The following SEC14L5 variants were observed in gnomAD, a reference collection of about 807,000 sequenced individuals.
SEC14L5 encodes the protein SEC14-like protein 5.
Under a neutral mutation model 84.6 loss-of-function variants are expected in SEC14L5, and 96 were observed. That is an observed-to-expected ratio of 1.13 (90% confidence interval 0.96 to 1.34). The LOEUF (loss-of-function observed/expected upper bound fraction) is 1.34, where lower values mean the gene tolerates loss of function less well. SEC14L5 is among the 40% of genes most tolerant of loss of function. The pLI, the probability that SEC14L5 is intolerant of heterozygous loss-of-function variation, is 0.00. For missense variants in SEC14L5, 1,224 were observed against 942.5 expected (o/e 1.30, Z -3.91); for synonymous variants, 546 against 383.4 (o/e 1.42, Z -4.95).
intron 2 of SEC14L5, among the ~76,000 whole-genome samples, chr16:4,983,493 T>G (rs1955448689): frequency 6.7e-6 from 1 of 149,958 alleles, no homozygotes; most frequent in South Asian, 2.1e-4. Context: ...ATTTACATTG[T>G]GTATAGAAAG....
Position 5,015,282 on chromosome 16 carries a change from C to G in SEC14L5, c.*312C>G, listed in dbSNP as rs1328274492. 3.0e-6 allele frequency: 1 copy of G among 333,242 alleles called. No individual in the cohort carries two copies. The highest frequency in any genetic ancestry group is 5.4e-5 in the East Asian group (1 of 18,662). The allele number at this position is 333,242 out of a possible 1,614,324, so 20.6% of individuals were successfully genotyped here. On this transcript the variant is annotated 3_prime_UTR_variant, in exon 16 of 16. Coordinates refer to ENST00000251170, the MANE Select transcript of SEC14L5 (RefSeq NM_014692.2). ...GCTTAGCGACGTCAGCCAGGCCCAT[C>G]TCCTCTCTGTCCACCTCTTGCTCTG...
chr16:4,967,885 G>A (rs2142477300), intron 2 of SEC14L5, among the ~76,000 whole-genome samples: 1 of 150,960 alleles, frequency 6.6e-6, no homozygotes, highest in East Asian at 2.0e-4. Context: ...GTGATTACAG[G>A]CGTGACCACA....
chr16:4,992,142 A>G, intron 6 of SEC14L5, 112 bp downstream of exon 6: 1 of 731,668 alleles, frequency 1.4e-6, no homozygotes, highest in Non-Finnish European at 2.1e-6. Context: ...CCCCCTGGGA[A>G]TGGGTCTGGG....
chr16:5,006,646 T>C (rs368171451), intron 12 of SEC14L5, among the ~76,000 whole-genome samples: 1 of 152,302 alleles, frequency 6.6e-6, no homozygotes, highest in African/African-American at 2.4e-5. Context: ...TACCAGACAG[T>C]GAGCTTGCGT....
chr16:5,006,142 AG>A, intron 12 of SEC14L5, 94 bp downstream of exon 12: 2 of 1,353,062 alleles, frequency 1.5e-6, no homozygotes, highest in Non-Finnish European at 2.1e-6. Context: ...TGGGAGGTGG[AG>A]GGGGGCTGGG....
intron 2 of SEC14L5, among the ~76,000 whole-genome samples, chr16:4,986,389 C>T (rs1241252925): frequency 1.3e-5 from 2 of 152,218 alleles, no homozygotes; most frequent in Non-Finnish European, 2.9e-5. Context: ...ATCCACCTGC[C>T]TTGGCCTCCC....
chr16:4,996,527 T>C, intron 7 of SEC14L5, 67 bp downstream of exon 7: 1 of 807,514 alleles, frequency 1.2e-6, no homozygotes, highest in Non-Finnish European at 2.1e-6. Context: ...CCTCCGTGCA[T>C]GGGAAGGAAA....
At chr16:5,007,930 C>T (rs1299223317) in intron 13 of SEC14L5, among the ~76,000 whole-genome samples, 6 of 101,182 alleles carry the variant, frequency 5.9e-5, no homozygotes, top group African/African-American at 2.2e-4. Flanking sequence ...TTTTTTGAGA[C>T]CGAGTCTCAC....
intron 6 of SEC14L5, among the ~76,000 whole-genome samples, chr16:4,995,981 A>G (rs1955604394): frequency 6.6e-6 from 1 of 152,092 alleles, no homozygotes; most frequent in Non-Finnish European, 1.5e-5. Context: ...AGGGGTGTGG[A>G]GAGAGCTCAG....
intron 9 of SEC14L5, 24 bp from the exon 10 acceptor site, chr16:5,000,831 A>G: frequency 6.3e-7 from 1 of 1,592,232 alleles, no homozygotes; most frequent in South Asian, 1.1e-5. Context: ...GCGGACGTTG[A>G]GCAGCACTGT....
intron 9 of SEC14L5, 45 bp downstream of exon 9, chr16:5,000,788 C>T: frequency 1.9e-6 from 3 of 1,559,314 alleles, no homozygotes; most frequent in Non-Finnish European, 2.6e-6. Flanking sequence ...TGGGGCCGGG[C>T]CTGGGAAGGA....
intron 2 of SEC14L5, among the ~76,000 whole-genome samples, chr16:4,981,162 G>A (rs945282786): frequency 2.0e-5 from 3 of 151,146 alleles, no homozygotes; most frequent in South Asian, 2.1e-4. Flanking sequence ...TGTCGCCCAC[G>A]CTGGAGTGCA....
At position 5,007,501 on chromosome 16, in the gene SEC14L5, C is replaced by T. The variant is rs1955745066; in HGVS notation, c.1572+15C>T. On this transcript the variant is annotated intron_variant, in intron 13 of 15. Coordinates refer to ENST00000251170, the MANE Select transcript of SEC14L5 (RefSeq NM_014692.2). ...CCCCCCACGAGGTGCCAGGGCCTGG[C>T]CGGGGAGGGCCCGCTGAGCTGGAGT... 3.7e-6 allele frequency: 6 copies of T among 1,610,972 alleles called. No individual in the cohort carries two copies. Among genetic ancestry groups the T allele is most frequent in the Non-Finnish European group, 5.1e-6 (6 of 1,178,872 alleles).
At chr16:4,964,115 G>A (rs945353301) in intron 2 of SEC14L5, among the ~76,000 whole-genome samples, 27 of 152,322 alleles carry the variant, frequency 1.8e-4, no homozygotes, top group Admixed American at 1.4e-3. Context: ...GAGAGGGTCC[G>A]TCAGTCCTTT....
At chr16:4,989,478 G>A (rs1415020484) in intron 4 of SEC14L5, among the ~76,000 whole-genome samples, 1 of 152,032 alleles carries the variant, frequency 6.6e-6, no homozygotes, top group Non-Finnish European at 1.5e-5. Context: ...TCCCGTGTAG[G>A]TGGGATTACA....
chr16:4,962,556 C>T (rs1253974805), intron 2 of SEC14L5, among the ~76,000 whole-genome samples: 2 of 152,026 alleles, frequency 1.3e-5, no homozygotes, highest in African/African-American at 2.4e-5. Context: ...GGTATGGTGG[C>T]AAGCACCTGT....
In SEC14L5 at chr16:5,014,861, G is replaced by A. The variant is rs1955853631; in HGVS notation, c.1982G>A (p.Gly661Asp). 1.9e-6 allele frequency: 3 copies of A among 1,613,172 alleles called. No homozygotes were observed. Among genetic ancestry groups the A allele is most frequent in the Non-Finnish European group, 1.7e-6 (2 of 1,179,376 alleles). ...TGTGCCACGCCCTTCCTCCCCAGGG[G>A]CTCCATGTCCAGCCTGGAATCCTGC... Reference protein sequence around the residue: ...CEVLASEDFRGSMSSLESCTS... With the variant: ...CEVLASEDFRDSMSSLESCTS... Residue 661 changes from glycine (G) to aspartate (D), a missense_variant and splice_region_variant, in exon 16 of 16, where the codon GGC becomes GAC. Coordinates refer to ENST00000251170, the MANE Select transcript of SEC14L5 (RefSeq NM_014692.2).
At chr16:5,000,330 T>A (rs2972279) in intron 8 of SEC14L5, among the ~76,000 whole-genome samples, 20,044 of 151,984 alleles carry the variant, frequency 0.13, 1,746 homozygotes, top group Middle Eastern at 0.21. Context: ...AGAGAAGAGG[T>A]CTCATTATGT....
chr16:5,007,231 C>T, intron 12 of SEC14L5, 121 bp from the exon 13 acceptor site: 1 of 776,950 alleles, frequency 1.3e-6, no homozygotes, highest in Non-Finnish European at 2.1e-6. Flanking sequence ...AAGCCCACAG[C>T]CCATTCAGTA....
Sources: allele counts gnomAD v4.1 joint callset (sites outside exome capture counted in the v4.1 genomes callset), GRCh38; gene constraint gnomAD v4.1.1; transcripts MANE v1.5; gene names NCBI Gene and HGNC (gene_info 2026-07-23, HGNC 2026-07-21).